Variants in GABRA2 observed in about 807,000 individuals in gnomAD.
The protein encoded by GABRA2 is gamma-aminobutyric acid receptor subunit alpha-2.
GABRA2 carries 16 observed loss-of-function variants against 48.7 expected under a neutral mutation model. That is an observed-to-expected ratio of 0.33 (90% confidence interval 0.22 to 0.50). The LOEUF (loss-of-function observed/expected upper bound fraction) is 0.50, where lower values mean the gene tolerates loss of function less well. Among genes scored for constraint, GABRA2 ranks in the 20% least tolerant of loss-of-function variants. The pLI is 0.98. For missense variants in GABRA2, 275 were observed against 535.6 expected (o/e 0.51, Z 4.80); for synonymous variants, 185 against 184.5 (o/e 1.00, Z -0.02).
intron 3 of GABRA2, among the ~76,000 whole-genome samples, chr4:46,382,686 A>G (rs16851626): frequency 0.23 from 35,064 of 152,060 alleles, 4,276 homozygotes; most frequent in Non-Finnish European, 0.26. Flanking sequence ...TAAATGAATC[A>G]CAATGGACTC....
chr4:46,386,636 T>C (rs1717497068), intron 2 of GABRA2: 1 of 155,514 alleles, frequency 6.4e-6, no homozygotes, highest in African/African-American at 2.4e-5. Context: ...AAATATATTT[T>C]CTATCTCTCT....
intron 8 of GABRA2, among the ~76,000 whole-genome samples, chr4:46,283,479 G>A (rs55793517): frequency 6.6e-6 from 1 of 152,146 alleles, no homozygotes; most frequent in African/African-American, 2.4e-5. Context: ...CATGGGAAAA[G>A]AAAAGAAAAG....
chr4:46,363,988 C>A (rs1277043378), intron 3 of GABRA2: 1 of 152,086 alleles, frequency 6.6e-6, no homozygotes, highest in Non-Finnish European at 1.5e-5. Flanking sequence ...ATTGCTTTTT[C>A]TCTTGCGGAA....
At position 46,310,161 on chromosome 4, in the gene GABRA2, C is replaced by T. The variant is rs1314569983; in HGVS notation, c.559+12G>A. On this transcript the variant is annotated intron_variant, in intron 6 of 9. Coordinates refer to ENST00000381620, the MANE Select transcript of GABRA2 (RefSeq NM_000807.4). ...ATTGACCCAAAACATGTAACTTCAT[C>T]CCTGTACTTACAGCTGCCAAATTTC... 3.1e-6 allele frequency: 5 copies of T among 1,602,608 alleles called. No homozygotes were observed. The highest frequency in any genetic ancestry group is 4.5e-5 in the East Asian group (2 of 44,768).
chr4:46,253,388 G>A (rs542079550), intron 9 of GABRA2, among the ~76,000 whole-genome samples: 291 of 151,498 alleles, frequency 1.9e-3, no homozygotes, highest in Non-Finnish European at 3.5e-3. Context: ...ACAAGCAGCA[G>A]CACATACCAG....
intron 4 of GABRA2, among the ~76,000 whole-genome samples, chr4:46,328,461 G>C (rs551881971): frequency 1.3e-5 from 2 of 152,048 alleles, no homozygotes; most frequent in East Asian, 3.9e-4. Context: ...ACACTGATTA[G>C]AAATAAAAGT....
At chr4:46,261,726 C>T (rs570749687) in intron 9 of GABRA2, 200 bp downstream of exon 9, 70 of 614,966 alleles carry the variant, frequency 1.1e-4, no homozygotes, top group East Asian at 4.4e-4. Flanking sequence ...ACAGATGCTA[C>T]GGAGTGGTTT....
At chr4:46,341,464 T>G (rs1043849175) in intron 3 of GABRA2, among the ~76,000 whole-genome samples, 1 of 152,088 alleles carries the variant, frequency 6.6e-6, no homozygotes, top group African/African-American at 2.4e-5. Flanking sequence ...GTTTAGTGAC[T>G]TTATAGGACT....
chr4:46,386,021 A>G, intron 3 of GABRA2, 53 bp downstream of exon 3: 1 of 1,053,592 alleles, frequency 9.5e-7, no homozygotes, highest in Non-Finnish European at 1.5e-6. Flanking sequence ...ATTACCCTTA[A>G]CTTTTAAAGG....
chr4:46,306,889 T>C (rs1726793319), intron 6 of GABRA2, among the ~76,000 whole-genome samples: 1 of 152,052 alleles, frequency 6.6e-6, no homozygotes, highest in Admixed American at 6.6e-5. Flanking sequence ...TCAGTAACAA[T>C]AGAGTAAATG....
chr4:46,328,899 T>C (rs1341151297), intron 4 of GABRA2, among the ~76,000 whole-genome samples: 1 of 152,122 alleles, frequency 6.6e-6, no homozygotes, highest in East Asian at 1.9e-4. Context: ...TCATTCATTT[T>C]GATCATCATG....
chr4:46,388,714 G>C lies in GABRA2; in HGVS notation c.-8C>G, dbSNP rs1717816829. 6.2e-7 allele frequency: 1 copy of C among 1,613,916 alleles called. No individual in the cohort carries two copies. The highest frequency in any genetic ancestry group is 1.7e-5 in the Admixed American group (1 of 59,978). Reference sequence around the variant, plus strand: ...GTTCAATTTTGTCTTCATCACCGCCGCTCTTTACAAAGCCATGGAATGAAA... The same window carrying C: ...GTTCAATTTTGTCTTCATCACCGCCCCTCTTTACAAAGCCATGGAATGAAA... On this transcript the variant is annotated splice_region_variant and 5_prime_UTR_variant, in exon 2 of 10. Coordinates refer to ENST00000381620, the MANE Select transcript of GABRA2 (RefSeq NM_000807.4).
chr4:46,306,096 A>C (rs2109646669), intron 6 of GABRA2, among the ~76,000 whole-genome samples: 1 of 152,330 alleles, frequency 6.6e-6, no homozygotes, highest in African/African-American at 2.4e-5. Context: ...TCATAAGATA[A>C]AAATCAAAAT....
intron 8 of GABRA2, among the ~76,000 whole-genome samples, chr4:46,295,408 T>C (rs1173830129): frequency 6.6e-6 from 1 of 152,214 alleles, no homozygotes; most frequent in Non-Finnish European, 1.5e-5. Flanking sequence ...CTCTGAGTGG[T>C]TAAAAACTGT....
chr4:46,364,305 T>C (rs1713693200), intron 3 of GABRA2: 1 of 152,248 alleles, frequency 6.6e-6, no homozygotes, highest in Non-Finnish European at 1.5e-5. Context: ...AAGTACACTA[T>C]GCCTAGCACA....
At chr4:46,296,475 T>C (rs906327858) in intron 8 of GABRA2, among the ~76,000 whole-genome samples, 1 of 152,054 alleles carries the variant, frequency 6.6e-6, no homozygotes, top group East Asian at 1.9e-4. Flanking sequence ...ATGAAATCAG[T>C]CTACTGCTCC....
At chr4:46,358,035 G>A (rs966674611) in intron 3 of GABRA2, among the ~76,000 whole-genome samples, 1 of 152,088 alleles carries the variant, frequency 6.6e-6, no homozygotes, top group Non-Finnish European at 1.5e-5. Context: ...ACGTTAGTAT[G>A]AGTATACTAG....
rs184971369 is a variant in GABRA2, at chr4:46,261,346, A to T, written c.1059+580T>A. The T allele has an allele frequency of 9.6e-3, 1,464 of 153,256 alleles. 22 individuals are homozygous for T. The highest frequency in any genetic ancestry group is 0.049 in the East Asian group (254 of 5,196). The allele number at this position is 153,256 out of a possible 1,614,324, so 9.5% of individuals were successfully genotyped here. A position where few individuals can be genotyped will look rare whatever the true frequency, so the allele number is the denominator to read the frequency against. Reference sequence around the variant, plus strand: ...TTCCATACAACATGGGAAAGATTTTAAAAAAATGCTATCCGGGCTTTTACA... The same window carrying T: ...TTCCATACAACATGGGAAAGATTTTTAAAAAATGCTATCCGGGCTTTTACA... On this transcript the variant is annotated intron_variant, in intron 9 of 9. Coordinates refer to ENST00000381620, the MANE Select transcript of GABRA2 (RefSeq NM_000807.4).
At chr4:46,325,623 CAGGG>C (rs1730223268) in intron 4 of GABRA2, among the ~76,000 whole-genome samples, 1 of 151,814 alleles carries the variant, frequency 6.6e-6, no homozygotes, top group South Asian at 2.1e-4. Context: ...TAATTGCTTT[CAGGG>C]ACTTCAACAT....
Sources: allele counts gnomAD v4.1 joint callset (sites outside exome capture counted in the v4.1 genomes callset), GRCh38; gene constraint gnomAD v4.1.1; transcripts MANE v1.5; gene names NCBI Gene and HGNC (gene_info 2026-07-23, HGNC 2026-07-21).